The following RBFOX1 variants were observed in gnomAD, a reference collection of about 807,000 sequenced individuals.
RBFOX1 encodes RNA binding fox-1 homolog 1, also known as RNA binding protein fox-1 homolog 1.
A neutral mutation model predicts 57.7 loss-of-function variants in RBFOX1; 8 were observed. The observed-to-expected ratio is 0.14, with a 90% CI of 0.08 to 0.25. RBFOX1 has a LOEUF of 0.25. Ranked by LOEUF, RBFOX1 falls within the 10% of genes least tolerant of loss-of-function variation. RBFOX1 has a pLI of 1.00. For synonymous variants in RBFOX1, 326 were observed against 222.4 expected (o/e 1.47, Z -4.15); for missense variants, 611 against 548.5 (o/e 1.11, Z -1.14).
chr16:6,706,727 T>TTA (rs2062813316), intron 3 of RBFOX1, among the ~76,000 whole-genome samples: 1 of 135,160 alleles, frequency 7.4e-6, no homozygotes. Flanking sequence ...TTTTTTTTTT[T>TTA]AATAGAGTGT....
intron 4 of RBFOX1, among the ~76,000 whole-genome samples, chr16:7,250,125 C>T (rs1396391940): frequency 6.6e-6 from 1 of 152,134 alleles, no homozygotes; most frequent in Admixed American, 6.6e-5. Context: ...TCTGCTTCTT[C>T]ATGTCTTTCA....
Position 6,521,817 on chromosome 16 carries a change from T to A in RBFOX1, c.-63-132786T>A, listed in dbSNP as rs114508972. Among the ~76,000 whole-genome samples, 737 of 152,256 alleles carry A rather than the reference T, an allele frequency of 4.8e-3. 3 individuals are homozygous for A. The highest frequency in any genetic ancestry group is 0.014 in the African/African-American group (570 of 41,558). On this transcript the variant is annotated intron_variant, in intron 2 of 15. Coordinates refer to ENST00000550418, the MANE Select transcript of RBFOX1 (RefSeq NM_018723.4). The stretch of plus-strand genomic sequence containing the variant: ...ATTCTTAAAGCTAAATAGTGAGGAA[T>A]CCTCATGTCTAAAAATGGAAGGCTT...
intron 1 of RBFOX1, among the ~76,000 whole-genome samples, chr16:6,181,205 A>G (rs1487991682): frequency 6.6e-6 from 1 of 152,160 alleles, no homozygotes. Context: ...ATGCTGCTGG[A>G]TATGGTCACG....
intron 3 of RBFOX1, among the ~76,000 whole-genome samples, chr16:7,040,749 GTTTTA>G (rs1161544606): frequency 2.0e-4 from 31 of 152,050 alleles, no homozygotes; most frequent in Admixed American, 2.0e-3. Flanking sequence ...ACTTGCTTTT[GTTTTA>G]TTTTGTCATA....
chr16:7,698,594 A>G (rs371674226), intron 14 of RBFOX1, among the ~76,000 whole-genome samples: 6 of 152,240 alleles, frequency 3.9e-5, no homozygotes, highest in South Asian at 4.2e-4. Flanking sequence ...GAAGTTTCCC[A>G]ATTGGCCATT....
rs2060538993 is a variant in RBFOX1 at position 5,998,982 on chromosome 16, G to T, written c.351+131647G>T. 2.0e-5 allele frequency among the ~76,000 whole-genome samples: 3 copies of T among 152,106 alleles called. No homozygotes were observed. In the South Asian group the frequency reaches 6.2e-4, roughly 32 times the overall value. On this transcript the variant is annotated intron_variant, in intron 4 of 19. Coordinates refer to the RBFOX1 transcript ENST00000641259. Reference sequence around the variant, plus strand: ...CATTTCCCAGTCCAAAAAAATCTATGTGGATGAACTGTTATGGGAAACATT... The same window carrying T: ...CATTTCCCAGTCCAAAAAAATCTATTTGGATGAACTGTTATGGGAAACATT...
In RBFOX1 at chr16:7,389,806, C is replaced by T. The variant is rs72771120; in HGVS notation, c.28-128341C>T. Among the ~76,000 whole-genome samples the T allele has an allele frequency of 5.6e-3, 851 of 152,156 alleles. 5 individuals are homozygous for T. Among genetic ancestry groups the T allele is most frequent in the Non-Finnish European group, 8.4e-3 (572 of 67,998 alleles). On this transcript the variant is annotated intron_variant, in intron 4 of 15. Coordinates refer to ENST00000550418, the MANE Select transcript of RBFOX1 (RefSeq NM_018723.4). Reference sequence around the variant, plus strand: ...TATATAGAATGTTCCTTCTAGTATGCTTAAGGCTTGATATGCATACAATCT... The same window carrying T: ...TATATAGAATGTTCCTTCTAGTATGTTTAAGGCTTGATATGCATACAATCT...
chr16:7,332,186 C>T (rs990964657), intron 4 of RBFOX1, among the ~76,000 whole-genome samples: 2 of 152,196 alleles, frequency 1.3e-5, no homozygotes, highest in Admixed American at 6.5e-5. Context: ...CTGCCTTGTA[C>T]GAGCTATGTG....
At chr16:5,889,100 C>T (rs1447109134) in intron 4 of RBFOX1, among the ~76,000 whole-genome samples, 1 of 152,140 alleles carries the variant, frequency 6.6e-6, no homozygotes, top group Non-Finnish European at 1.5e-5. Flanking sequence ...TATTTTTCTT[C>T]AACTTTTAAG....
At chr16:6,720,336 C>T (rs1603459213) in intron 3 of RBFOX1, among the ~76,000 whole-genome samples, 1 of 152,074 alleles carries the variant, frequency 6.6e-6, no homozygotes, top group South Asian at 2.1e-4. Context: ...TGCCTTCTGC[C>T]CTAATTGAAA....
At chr16:7,654,507 G>A (rs1393020478) in intron 12 of RBFOX1, among the ~76,000 whole-genome samples, 1 of 152,150 alleles carries the variant, frequency 6.6e-6, no homozygotes, top group Non-Finnish European at 1.5e-5. Context: ...TTCCAAAATG[G>A]CATTTGCCTT....
chr16:7,582,055 A>G (rs2093813266), intron 6 of RBFOX1, among the ~76,000 whole-genome samples: 1 of 147,276 alleles, frequency 6.8e-6, no homozygotes, highest in Non-Finnish European at 1.5e-5. Context: ...TTTGTGACAA[A>G]GTCTTAGTCT....
chr16:5,905,454 G>A (rs2058434880), intron 4 of RBFOX1, among the ~76,000 whole-genome samples: 3 of 152,112 alleles, frequency 2.0e-5, no homozygotes, highest in Admixed American at 2.0e-4. Flanking sequence ...GCTCTTGCCT[G>A]TAATCCCAGC....
intron 1 of RBFOX1, among the ~76,000 whole-genome samples, chr16:6,124,912 T>G (rs1017493802): frequency 5.9e-5 from 9 of 152,198 alleles, no homozygotes; most frequent in Admixed American, 2.0e-4. Context: ...CCAGCCTGCT[T>G]TCCATATTTC....
chr16:5,771,599 G>T (rs139794719), intron 3 of RBFOX1, among the ~76,000 whole-genome samples: 1 of 152,176 alleles, frequency 6.6e-6, no homozygotes, highest in African/African-American at 2.4e-5. Context: ...AGCAGAGATG[G>T]GGTTTCACCT....
At chr16:6,892,767 CCTGTCTCCCTCTCT>C (rs1567747221) in intron 3 of RBFOX1, among the ~76,000 whole-genome samples, 3 of 89,212 alleles carry the variant, frequency 3.4e-5, no homozygotes, top group Admixed American at 1.1e-4. Context: ...TCAAAGCCTC[CCTGTCTCCCTCTCT>C]CTCTCTCTCT....
chr16:7,568,480 T>A (rs1350057457), intron 5 of RBFOX1, among the ~76,000 whole-genome samples: 1 of 152,154 alleles, frequency 6.6e-6, no homozygotes, highest in African/African-American at 2.4e-5. Flanking sequence ...GAGGTCACTT[T>A]CGTTGCCATC....
At chr16:7,104,395 A>G (rs1321661324) in intron 4 of RBFOX1, among the ~76,000 whole-genome samples, 1 of 152,160 alleles carries the variant, frequency 6.6e-6, no homozygotes, top group African/African-American at 2.4e-5. Flanking sequence ...CCATCAGGAC[A>G]GTATGCCCCT....
chr16:7,494,702 T>G (rs1045163001), intron 4 of RBFOX1, among the ~76,000 whole-genome samples: 5 of 152,130 alleles, frequency 3.3e-5, no homozygotes, highest in African/African-American at 1.2e-4. Context: ...ATATACCTGG[T>G]AAGAGGCAAA....
Sources: allele counts gnomAD v4.1 joint callset (sites outside exome capture counted in the v4.1 genomes callset), GRCh38; gene constraint gnomAD v4.1.1; transcripts MANE v1.5; gene names NCBI Gene and HGNC (gene_info 2026-07-23, HGNC 2026-07-21).